Variants in TNR observed in about 807,000 individuals in gnomAD.
TNR encodes tenascin-R.
In TNR, 45 loss-of-function variants were observed where a neutral mutation model predicts 150.4. That is an observed-to-expected ratio of 0.30 (90% CI 0.24 to 0.38). The LOEUF is 0.38. Among genes scored for constraint, TNR ranks in the 10% least tolerant of loss-of-function variants. TNR has a pLI of 1.00. For synonymous variants in TNR, 687 were observed against 678.4 expected (o/e 1.01, Z -0.20); for missense variants, 1,544 against 1,759.1 (o/e 0.88, Z 2.19).
Position 175,680,390 on chromosome 1 carries a change from G to T in TNR, c.-165+62836C>A, listed in dbSNP as rs111407652. ...AAATGGGGCCACTAAAGGAACAAGAGAGGGAGACAAAAGAGAAGCATGGCA... is the reference window on the plus strand; with the variant it reads ...AAATGGGGCCACTAAAGGAACAAGATAGGGAGACAAAAGAGAAGCATGGCA... On this transcript the variant is annotated intron_variant, in intron 1 of 22. Transcript: ENST00000367674. Among the ~76,000 whole-genome samples, 720 of 152,288 alleles carry T rather than the reference G, an allele frequency of 4.7e-3. 7 individuals are homozygous for T. Among genetic ancestry groups the T allele is most frequent in the African/African-American group, 0.017 (691 of 41,554 alleles).
At chr1:175,413,906 G>A (rs1005340783) in intron 2 of TNR, among the ~76,000 whole-genome samples, 1 of 152,196 alleles carries the variant, frequency 6.6e-6, no homozygotes, top group African/African-American at 2.4e-5. Context: ...GCCAAGGCAG[G>A]TGTATTGCTT....
intron 2 of TNR, among the ~76,000 whole-genome samples, chr1:175,507,666 A>G (rs1176890604): frequency 6.6e-6 from 1 of 152,104 alleles, no homozygotes; most frequent in Non-Finnish European, 1.5e-5. Context: ...TTTCCCACCC[A>G]GCATAATGAA....
At chr1:175,737,196 G>A (rs1054312733) in intron 1 of TNR, among the ~76,000 whole-genome samples, 1 of 152,134 alleles carries the variant, frequency 6.6e-6, no homozygotes, top group Non-Finnish European at 1.5e-5. Context: ...TAAAATGTGA[G>A]CGCTTTATAA....
At chr1:175,437,022 T>A (rs540842850) in intron 2 of TNR, among the ~76,000 whole-genome samples, 29 of 152,214 alleles carry the variant, frequency 1.9e-4, no homozygotes, top group Non-Finnish European at 8.8e-5. Flanking sequence ...CTGCACCAAG[T>A]GGACCTAATA....
At chr1:175,684,157 T>A (rs1666120545) in intron 1 of TNR, among the ~76,000 whole-genome samples, 1 of 152,228 alleles carries the variant, frequency 6.6e-6, no homozygotes, top group Non-Finnish European at 1.5e-5. Context: ...GTCTGGGATG[T>A]CAGCATTCCA....
chr1:175,638,439 T>C (rs1383230582), intron 1 of TNR, among the ~76,000 whole-genome samples: 1 of 152,224 alleles, frequency 6.6e-6, no homozygotes, highest in Non-Finnish European at 1.5e-5. Context: ...TTGGACTGAC[T>C]TTCCTTCGGA....
Position 175,594,409 on chromosome 1 carries a change from C to T in TNR, c.-164-66040G>A, listed in dbSNP as rs141233520. Among the ~76,000 whole-genome samples the T allele has an allele frequency of 2.0e-4, 30 of 152,340 alleles. No homozygotes were observed. The East Asian group carries it at 3.3e-3, about 17-fold the overall frequency. Reference sequence around the variant, plus strand: ...ATCAGAAATACACCTATTATTCAATCTTTCCCTTATCAATATGGGTCTAAC... The same window carrying T: ...ATCAGAAATACACCTATTATTCAATTTTTCCCTTATCAATATGGGTCTAAC... On this transcript the variant is annotated intron_variant, in intron 1 of 22. Coordinates refer to ENST00000367674, the MANE Select transcript of TNR (RefSeq NM_003285.3).
At chr1:175,674,701 T>C (rs1473062656) in intron 1 of TNR, among the ~76,000 whole-genome samples, 1 of 152,116 alleles carries the variant, frequency 6.6e-6, no homozygotes, top group Non-Finnish European at 1.5e-5. Flanking sequence ...AACAGCAATG[T>C]CCTAGCGCCA....
At chr1:175,431,674 A>T (rs1411604089) in intron 2 of TNR, among the ~76,000 whole-genome samples, 1 of 149,824 alleles carries the variant, frequency 6.7e-6, no homozygotes, top group Non-Finnish European at 1.5e-5. Context: ...GGCCTCAGGC[A>T]GAGGAGGAAG....
At chr1:175,523,254 T>C (rs1473749309) in intron 2 of TNR, among the ~76,000 whole-genome samples, 1 of 152,166 alleles carries the variant, frequency 6.6e-6, no homozygotes, top group Non-Finnish European at 1.5e-5. Flanking sequence ...ACTGCAAAGG[T>C]AGTGGGGCAT....
chr1:175,476,963 C>A (rs1657570597), intron 2 of TNR, among the ~76,000 whole-genome samples: 3 of 152,154 alleles, frequency 2.0e-5, no homozygotes, highest in Non-Finnish European at 4.4e-5. Flanking sequence ...GTTCCTTCCT[C>A]TAACTATGTT....
intron 2 of TNR, among the ~76,000 whole-genome samples, chr1:175,426,273 C>A (rs114472696): frequency 6.6e-6 from 1 of 152,058 alleles, no homozygotes; most frequent in Admixed American, 6.6e-5. Context: ...CAACATGAGG[C>A]GAGGTCTAAT....
intron 1 of TNR, among the ~76,000 whole-genome samples, chr1:175,535,584 C>T (rs1212558375): frequency 6.6e-6 from 1 of 151,888 alleles, no homozygotes; most frequent in Non-Finnish European, 1.5e-5. Context: ...CCTCAGCCTC[C>T]CAAGTAGCTG....
At chr1:175,542,866 T>A (rs909883898) in intron 1 of TNR, among the ~76,000 whole-genome samples, 6 of 152,210 alleles carry the variant, frequency 3.9e-5, no homozygotes, top group African/African-American at 1.4e-4. Flanking sequence ...GGGTCCCCTC[T>A]CTTCACCCTT....
intron 1 of TNR, among the ~76,000 whole-genome samples, chr1:175,700,686 G>T (rs1222847848): frequency 6.6e-6 from 1 of 152,292 alleles, no homozygotes; most frequent in African/African-American, 2.4e-5. Flanking sequence ...AGGGCACAGT[G>T]TTCCATACAT....
chr1:175,327,800 A>G (rs1894598), intron 21 of TNR, among the ~76,000 whole-genome samples: 113,514 of 152,090 alleles, frequency 0.75, 42,526 homozygotes, highest in East Asian at 0.8. Flanking sequence ...CCTCTTCCAC[A>G]AACACCCCTT....
chr1:175,438,245 A>G (rs1446803884), intron 2 of TNR, among the ~76,000 whole-genome samples: 1 of 152,250 alleles, frequency 6.6e-6, no homozygotes, highest in East Asian at 1.9e-4. Flanking sequence ...AATAAACATA[A>G]TCCAGCATAT....
chr1:175,551,280 A>G (rs1660926123), intron 1 of TNR, among the ~76,000 whole-genome samples: 1 of 152,220 alleles, frequency 6.6e-6, no homozygotes, highest in Non-Finnish European at 1.5e-5. Context: ...ATAATGATAT[A>G]TACTCAATCA....
intron 2 of TNR, among the ~76,000 whole-genome samples, chr1:175,473,370 C>G (rs1657380084): frequency 6.6e-6 from 1 of 152,166 alleles, no homozygotes; most frequent in Non-Finnish European, 1.5e-5. Flanking sequence ...TCTCGGACAT[C>G]ATCTTGAATT....
Sources: allele counts gnomAD v4.1 joint callset (sites outside exome capture counted in the v4.1 genomes callset), GRCh38; gene constraint gnomAD v4.1.1; transcripts MANE v1.5; gene names NCBI Gene and HGNC (gene_info 2026-07-23, HGNC 2026-07-21).